The following LOC122539214 variants were observed in gnomAD, a reference collection of about 807,000 sequenced individuals.
chr19:52,671,523 A>AT, the LOC122539214 span, among the ~76,000 whole-genome samples: 1 of 151,140 alleles, frequency 6.6e-6, no homozygotes, highest in South Asian at 2.1e-4. Flanking sequence ...TGCTCCTTGC[A>AT]CCCTCAACCT....
the LOC122539214 span, among the ~76,000 whole-genome samples, chr19:52,657,093 G>T: frequency 6.6e-6 from 1 of 151,912 alleles, no homozygotes; most frequent in Non-Finnish European, 1.5e-5. Context: ...TCCAGCCTGG[G>T]GGACACAGCG....
the LOC122539214 span, among the ~76,000 whole-genome samples, chr19:52,677,124 T>TA: frequency 1.5e-5 from 2 of 135,610 alleles, no homozygotes; most frequent in Non-Finnish European, 3.2e-5. Context: ...AATGATCAAT[T>TA]AAAAAAAAAA....
the LOC122539214 span, among the ~76,000 whole-genome samples, chr19:52,675,759 A>C: frequency 6.6e-6 from 1 of 152,236 alleles, no homozygotes; most frequent in African/African-American, 2.4e-5. Context: ...AATTTTGTGC[A>C]TGCATGTCTG....
chr19:52,676,557 C>T, the LOC122539214 span, among the ~76,000 whole-genome samples: 9 of 151,922 alleles, frequency 5.9e-5, no homozygotes, highest in Admixed American at 5.2e-4. Context: ...TGGGGGGCGC[C>T]TCTGCCCGGC....
At chr19:52,652,350 G>C in the LOC122539214 span, 5 of 299,110 alleles carry the variant, frequency 1.7e-5, no homozygotes, top group South Asian at 1.2e-4. Flanking sequence ...AAGGAGAATC[G>C]TATGAACCTG....
the LOC122539214 span, among the ~76,000 whole-genome samples, chr19:52,658,480 C>T: frequency 6.6e-6 from 1 of 152,116 alleles, no homozygotes; most frequent in Admixed American, 6.5e-5. Flanking sequence ...GTGAGAGAAT[C>T]GCTTGAATCC....
At chr19:52,652,265 G>A in the LOC122539214 span, 17 of 242,522 alleles carry the variant, frequency 7.0e-5, no homozygotes, top group South Asian at 8.2e-4. Flanking sequence ...GTGAAACCCT[G>A]TCTCTACTAA....
chr19:52,667,910 C>T, the LOC122539214 span, among the ~76,000 whole-genome samples: 1 of 152,196 alleles, frequency 6.6e-6, no homozygotes, highest in Non-Finnish European at 1.5e-5. Flanking sequence ...AAAAATCATA[C>T]ATGAAGTGTT....
At chr19:52,683,790 T>G in the LOC122539214 span, among the ~76,000 whole-genome samples, 22 of 152,248 alleles carry the variant, frequency 1.4e-4, 2 homozygotes, top group Admixed American at 9.8e-4. Flanking sequence ...GGGAACATCC[T>G]CACATTTGCC....
At chr19:52,686,757 G>A in the LOC122539214 span, among the ~76,000 whole-genome samples, 1 of 152,148 alleles carries the variant, frequency 6.6e-6, no homozygotes, top group South Asian at 2.1e-4. Context: ...ATTTTTCATA[G>A]AGACGGCGTT....
At chr19:52,670,587 G>A in the LOC122539214 span, among the ~76,000 whole-genome samples, 2 of 152,156 alleles carry the variant, frequency 1.3e-5, no homozygotes, top group Admixed American at 6.6e-5. Flanking sequence ...TCATGGAAAA[G>A]AGTCAAACTC....
At chr19:52,676,310 T>C in the LOC122539214 span, among the ~76,000 whole-genome samples, 3 of 152,186 alleles carry the variant, frequency 2.0e-5, no homozygotes, top group Non-Finnish European at 4.4e-5. Context: ...TGGAGTGCAG[T>C]GGCCTGATCT....
the LOC122539214 span, among the ~76,000 whole-genome samples, chr19:52,677,333 A>T: frequency 5.5e-4 from 81 of 148,592 alleles, no homozygotes; most frequent in African/African-American, 1.9e-3. Context: ...AAAAAAAACA[A>T]AAATTAGCCG....
chr19:52,657,052 T>G, the LOC122539214 span, among the ~76,000 whole-genome samples: 2 of 150,810 alleles, frequency 1.3e-5, no homozygotes, highest in African/African-American at 4.9e-5. Context: ...GAGAGCAGAG[T>G]TTGAAGTGAT....
At chr19:52,669,777 T>C in the LOC122539214 span, among the ~76,000 whole-genome samples, 4 of 152,308 alleles carry the variant, frequency 2.6e-5, no homozygotes, top group African/African-American at 9.6e-5. Flanking sequence ...TCTTGTCAGG[T>C]GCTCTGTCAC....
the LOC122539214 span, among the ~76,000 whole-genome samples, chr19:52,686,836 G>A: frequency 0.63 from 95,443 of 151,762 alleles, 30,270 homozygotes; most frequent in African/African-American, 0.71. Context: ...GTCTCCCAAA[G>A]TGCTGGGATT....
the LOC122539214 span, among the ~76,000 whole-genome samples, chr19:52,659,267 G>A: frequency 6.6e-6 from 1 of 152,062 alleles, no homozygotes; most frequent in African/African-American, 2.4e-5. Context: ...CATGAGGAAC[G>A]CGACCCCCGA....
the LOC122539214 span, among the ~76,000 whole-genome samples, chr19:52,664,293 C>A: frequency 1.3e-5 from 2 of 151,278 alleles, no homozygotes; most frequent in Non-Finnish European, 2.9e-5. Context: ...CCCTAGAGTT[C>A]GAGACCAGCC....
chr19:52,660,777 C>G, the LOC122539214 span: 1 of 213,968 alleles, frequency 4.7e-6, no homozygotes, highest in Admixed American at 4.5e-5. Context: ...GAAGAGCCAT[C>G]CTTGTCTCCT....
Sources: gnomAD v4.1 joint callset for allele counts (sites outside exome capture counted in the v4.1 genomes callset) on GRCh38, gnomAD v4.1.1 for gene constraint, MANE v1.5 for transcripts.